The following ZC3H12C variants were observed in gnomAD, a reference collection of about 807,000 sequenced individuals.
The protein encoded by ZC3H12C is probable ribonuclease ZC3H12C.
In ZC3H12C, 20 loss-of-function variants were observed where a neutral mutation model predicts 76.3. That is an observed-to-expected ratio of 0.26 (90% confidence interval 0.18 to 0.38). ZC3H12C has a LOEUF of 0.38. ZC3H12C is among the 10% of genes least tolerant of loss of function. The pLI is 1.00. For synonymous variants in ZC3H12C, 352 were observed against 399.6 expected (o/e 0.88, Z 1.42); for missense variants, 874 against 1,086.5 (o/e 0.80, Z 2.75).
rs1005454005 is a variant in ZC3H12C, at chr11:110,093,791, G to A, written c.21+359G>A. 3.9e-5 allele frequency among the ~76,000 whole-genome samples: 6 copies of A among 152,212 alleles called. No individual in the cohort carries two copies. In the South Asian group the frequency reaches 8.3e-4, roughly 21 times the overall value. Reference sequence around the variant, plus strand: ...CGCGAACATGGAGGCGGGCTCGGGCGCCGCGGATGGAAACGGACACACTGC... The same window carrying A: ...CGCGAACATGGAGGCGGGCTCGGGCACCGCGGATGGAAACGGACACACTGC... On this transcript the variant is annotated intron_variant, in intron 1 of 5. Transcript: ENST00000278590.
At chr11:110,095,563 T>G (rs1245688529) in intron 1 of ZC3H12C, among the ~76,000 whole-genome samples, 1 of 152,248 alleles carries the variant, frequency 6.6e-6, no homozygotes, top group African/African-American at 2.4e-5. Context: ...ACTGGTATGC[T>G]TCTGTTCTCT....
At chr11:110,123,898 G>A (rs1342118741) in intron 1 of ZC3H12C, among the ~76,000 whole-genome samples, 2 of 152,186 alleles carry the variant, frequency 1.3e-5, no homozygotes, top group African/African-American at 4.8e-5. Context: ...GGTGATTTAA[G>A]AGAACAGCAT....
chr11:110,154,059 AC>A (rs1218793931), intron 3 of ZC3H12C, among the ~76,000 whole-genome samples: 7 of 152,188 alleles, frequency 4.6e-5, no homozygotes, highest in Admixed American at 2.0e-4. Flanking sequence ...TCTACTATAT[AC>A]CCAAAGGGGA....
intron 1 of ZC3H12C, among the ~76,000 whole-genome samples, chr11:110,127,476 G>T (rs572317984): frequency 1.3e-5 from 2 of 152,164 alleles, no homozygotes; most frequent in African/African-American, 4.8e-5. Flanking sequence ...GGTGGTGGTG[G>T]TTGCTTCTTT....
intron 1 of ZC3H12C, among the ~76,000 whole-genome samples, chr11:110,105,412 C>CA (rs1191657099): frequency 1.3e-5 from 2 of 151,748 alleles, no homozygotes; most frequent in Non-Finnish European, 2.9e-5. Context: ...CCTTAAGTAA[C>CA]AAAAAAATGG....
intron 1 of ZC3H12C, among the ~76,000 whole-genome samples, chr11:110,133,733 A>G (rs1861906335): frequency 6.6e-6 from 1 of 152,210 alleles, no homozygotes; most frequent in Admixed American, 6.5e-5. Context: ...GCCTTGTATC[A>G]TGATAGCCAT....
chr11:110,130,995 C>A, intron 1 of ZC3H12C: 1 of 1,528,754 alleles, frequency 6.5e-7, no homozygotes, highest in South Asian at 1.2e-5. Flanking sequence ...TCCATCTGTT[C>A]AACCATTCAT....
chr11:110,117,204 A>G lies in ZC3H12C; in HGVS notation c.22-19459A>G, dbSNP rs191936007. ...ATAGGTTTAAAGAAAGTGACAAGCC[A>G]TTCTTATGATTATTGATGTAAAAAT... On this transcript the variant is annotated intron_variant, in intron 1 of 5. Coordinates refer to ENST00000278590, the MANE Select transcript of ZC3H12C (RefSeq NM_033390.2). 2.0e-3 allele frequency among the ~76,000 whole-genome samples: 307 copies of G among 152,354 alleles called. 2 individuals are homozygous for G. Among genetic ancestry groups the G allele is most frequent in the Admixed American group, 0.012 (184 of 15,302 alleles).
At chr11:110,124,080 G>C (rs1861696377) in intron 1 of ZC3H12C, 1 of 152,252 alleles carries the variant, frequency 6.6e-6, no homozygotes, top group South Asian at 2.1e-4. Context: ...ATCCTCAAGT[G>C]GGGAGGCAGA....
Position 110,152,965 on chromosome 11 carries a change from G to T in ZC3H12C, c.820G>T (p.Val274Leu). 1.2e-6 allele frequency: 2 copies of T among 1,612,490 alleles called. No homozygotes were observed. The highest frequency in any genetic ancestry group is 1.7e-6 in the Non-Finnish European group (2 of 1,179,234). ...VFSCRGIKLA[V>L]DWFLERGHKD... ...TTCCTGCAGAGGAATAAAATTGGCA[G>T]TGGATTGGTTTTTGGAAAGAGGCCA... Residue 274 changes from valine (V) to leucine (L), a missense_variant, in exon 3 of 6, where the codon GTG becomes TTG. Physicochemically the swap from Val to Leu is conservative, Grantham distance 32. Around this residue, in one of 3 missense-constraint regions of ZC3H12C, gnomAD observed 269 missense variants for 424.9 expected, o/e 0.63. Coordinates refer to ENST00000278590, the MANE Select transcript of ZC3H12C (RefSeq NM_033390.2).
intron 1 of ZC3H12C, among the ~76,000 whole-genome samples, chr11:110,121,587 A>G (rs957814267): frequency 2.6e-5 from 3 of 117,058 alleles, no homozygotes; most frequent in African/African-American, 1.0e-4. Flanking sequence ...AGTGTTTTCT[A>G]ACACAGCAGT....
intron 1 of ZC3H12C, among the ~76,000 whole-genome samples, chr11:110,111,424 CAA>C (rs11348279): frequency 1.9e-4 from 28 of 149,852 alleles, no homozygotes; most frequent in African/African-American, 4.4e-4. Context: ...TTTGTTATCT[CAA>C]AAAAAAAAAT....
At chr11:110,120,997 T>G (rs756229811) in intron 1 of ZC3H12C, among the ~76,000 whole-genome samples, 1 of 152,196 alleles carries the variant, frequency 6.6e-6, no homozygotes, top group Non-Finnish European at 1.5e-5. Flanking sequence ...TGAAGTCAAT[T>G]TCCGTAACCT....
At chr11:110,093,524 G>A (rs1565243098) in intron 1 of ZC3H12C, 92 bp downstream of exon 1, 2 of 1,008,524 alleles carry the variant, frequency 2.0e-6, no homozygotes, top group African/African-American at 1.7e-5. Context: ...GGCCGCGCCC[G>A]GGCGCCAGGC....
chr11:110,153,962 T>C (rs1862324429), intron 3 of ZC3H12C, among the ~76,000 whole-genome samples: 1 of 152,210 alleles, frequency 6.6e-6, no homozygotes, highest in South Asian at 2.1e-4. Flanking sequence ...CTTGTCCTTC[T>C]CTCTGCATCC....
intron 1 of ZC3H12C, among the ~76,000 whole-genome samples, chr11:110,110,847 T>C (rs553856331): frequency 3.9e-5 from 6 of 152,316 alleles, no homozygotes; most frequent in African/African-American, 1.4e-4. Context: ...AGAAAGATAT[T>C]CTGTACTAAA....
At chr11:110,134,162 A>G (rs963460944) in intron 1 of ZC3H12C, among the ~76,000 whole-genome samples, 2 of 152,200 alleles carry the variant, frequency 1.3e-5, no homozygotes, top group African/African-American at 4.8e-5. Flanking sequence ...GTTGCCCATT[A>G]AATGCACTTC....
chr11:110,105,159 T>C (rs1861299228), intron 1 of ZC3H12C, among the ~76,000 whole-genome samples: 1 of 152,230 alleles, frequency 6.6e-6, no homozygotes, highest in African/African-American at 2.4e-5. Context: ...ATTTTTATTA[T>C]GCACTCACAG....
rs1021129070 is a variant in ZC3H12C, at chr11:110,136,683, T to C, written c.42T>C (p.Ile14=). ...TCTAGGAATACGGGGTGCTTTGCAT[T>C]CAGGAATACAGAAAAAACAGCAAAG... ...GGSQEYGVLC[I]QEYRKNSKVE... is the part of the protein sequence containing the mutation. Residue 14 remains isoleucine (I), a synonymous_variant, in exon 2 of 6, where the codon ATT becomes ATC. Transcript: ENST00000278590. 1.5e-5 allele frequency: 25 copies of C among 1,613,264 alleles called. No individual in the cohort carries two copies. In the African/African-American group the frequency reaches 3.2e-4, roughly 21 times the overall value.
Sources: gnomAD v4.1 joint callset for allele counts (sites outside exome capture counted in the v4.1 genomes callset) on GRCh38, gnomAD v4.1.1 for gene constraint, gnomAD v4.1.1 regional missense constraint, MANE v1.5 for transcripts, NCBI Gene and HGNC (gene_info 2026-07-23, HGNC 2026-07-21) for gene names.